GLIS1: variants seen among roughly 807,000 people sequenced by gnomAD.
GLIS1 encodes the protein GLIS family zinc finger 1, also known as zinc finger protein GLIS1.
A neutral mutation model predicts 63.8 loss-of-function variants in GLIS1; 24 were observed. The ratio of observed to expected loss-of-function variants is 0.38; its 90% CI spans 0.27 to 0.53. The LOEUF (loss-of-function observed/expected upper bound fraction) is 0.53. Among genes scored for constraint, GLIS1 ranks in the 20% least tolerant of loss-of-function variants. The probability of loss-of-function intolerance (pLI) is 0.85; values close to 1 mark genes in which losing one functional copy is unlikely to be tolerated. For missense variants in GLIS1, 1,036 were observed against 1,074.1 expected (o/e 0.96, Z 0.50); for synonymous variants, 450 against 482.5 (o/e 0.93, Z 0.88).
chr1:53,615,681 T>C (rs946624963), intron 2 of GLIS1, among the ~76,000 whole-genome samples: 2 of 152,238 alleles, frequency 1.3e-5, no homozygotes, highest in Non-Finnish European at 2.9e-5. Context: ...AGGGATTCTA[T>C]AATTCCATGA....
At chr1:53,700,019 G>C (rs1181829877) in intron 2 of GLIS1, among the ~76,000 whole-genome samples, 2 of 152,186 alleles carry the variant, frequency 1.3e-5, no homozygotes, top group Non-Finnish European at 2.9e-5. Flanking sequence ...GCCAGAAGAA[G>C]GGCTGGGACT....
At chr1:53,651,518 G>C (rs956606962) in intron 2 of GLIS1, among the ~76,000 whole-genome samples, 14 of 152,264 alleles carry the variant, frequency 9.2e-5, no homozygotes, top group Admixed American at 1.3e-4. Flanking sequence ...GTGGGTCTGG[G>C]GGGGCGACTG....
At chr1:53,510,562 T>C (rs1644288824) in intron 8 of GLIS1, among the ~76,000 whole-genome samples, 1 of 152,290 alleles carries the variant, frequency 6.6e-6, no homozygotes, top group African/African-American at 2.4e-5. Flanking sequence ...TTGTGTCCTT[T>C]TCACAGACCA....
At chr1:53,564,370 A>G (rs1472481026) in intron 4 of GLIS1, among the ~76,000 whole-genome samples, 1 of 152,222 alleles carries the variant, frequency 6.6e-6, no homozygotes, top group African/African-American at 2.4e-5. Context: ...GCAAAATAAA[A>G]GACAATAACG....
chr1:53,680,933 C>T (rs979334489), intron 2 of GLIS1, among the ~76,000 whole-genome samples: 4 of 152,254 alleles, frequency 2.6e-5, no homozygotes, highest in South Asian at 4.1e-4. Context: ...CTCCACAAGA[C>T]GGCACACATG....
At chr1:53,516,079 G>A (rs927901648) in intron 7 of GLIS1, among the ~76,000 whole-genome samples, 1 of 152,128 alleles carries the variant, frequency 6.6e-6, no homozygotes, top group African/African-American at 2.4e-5. Flanking sequence ...GCCCGGGGCT[G>A]CACTGATGGA....
At chr1:53,549,551 T>C (rs1644738179) in intron 4 of GLIS1, among the ~76,000 whole-genome samples, 1 of 152,264 alleles carries the variant, frequency 6.6e-6, no homozygotes, top group Non-Finnish European at 1.5e-5. Flanking sequence ...TCATGTGCTT[T>C]GGGCCATCTG....
Position 53,594,542 on chromosome 1 carries a change from G to C in GLIS1, c.886C>G (p.Arg296Gly), listed in dbSNP as rs762773798. The C allele has an allele frequency of 1.2e-6, 2 of 1,604,870 alleles. No homozygotes were observed. Among genetic ancestry groups the C allele is most frequent in the East Asian group, 2.2e-5 (1 of 44,620 alleles). The stretch of plus-strand genomic sequence containing the variant: ...CTGTCCGTCGATGCAGGGCCAGGCC[G>C]GGCCCGCTTGGAAGGGCCCCCCAGA... ...GDLGGPSKRA[R>G]PGPASTDSHE... The change falls in exon 4 of 11, where the codon CGG (arginine) becomes GGG (glycine). Residue 296 changes from arginine to glycine, a missense_variant. Physicochemically the swap from Arg to Gly is moderately radical, Grantham distance 125. Around this residue, in one of 3 missense-constraint regions of GLIS1, gnomAD observed 592 missense variants for 593.9 expected, o/e 1.00. Coordinates refer to ENST00000628545, the MANE Select transcript of GLIS1 (RefSeq NM_001367484.1).
At chr1:53,663,762 G>A (rs1173785685) in intron 2 of GLIS1, among the ~76,000 whole-genome samples, 1 of 152,324 alleles carries the variant, frequency 6.6e-6, no homozygotes, top group Non-Finnish European at 1.5e-5. Context: ...GGTCTCTCTC[G>A]GGGTCAGGAC....
rs542924208 is a variant in GLIS1 at position 53,693,260 on chromosome 1, C to T, written c.259+44546G>A. 2.0e-3 allele frequency among the ~76,000 whole-genome samples: 311 copies of T among 152,322 alleles called. 2 individuals carry two copies. Among genetic ancestry groups the T allele is most frequent in the African/African-American group, 7.3e-3 (303 of 41,574 alleles). ...AGAGAAGGGCTGTAACTTGCCATGG[C>T]CCCATGTCAAGTCAGTGGCAGGACT... On this transcript the variant is annotated intron_variant, in intron 2 of 10. Coordinates refer to ENST00000628545, the MANE Select transcript of GLIS1 (RefSeq NM_001367484.1).
At chr1:53,589,569 C>T (rs551773295) in intron 4 of GLIS1, among the ~76,000 whole-genome samples, 26 of 152,294 alleles carry the variant, frequency 1.7e-4, no homozygotes, top group African/African-American at 5.8e-4. Flanking sequence ...AAGGCCAATC[C>T]GTAATACTCA....
intron 4 of GLIS1, among the ~76,000 whole-genome samples, chr1:53,573,764 G>A (rs796159061): frequency 3.3e-5 from 5 of 152,298 alleles, no homozygotes; most frequent in Admixed American, 6.5e-5. Flanking sequence ...TGTCAGGGTC[G>A]GAGCTTCTTG....
At chr1:53,629,311 A>G (rs1422955343) in intron 2 of GLIS1, among the ~76,000 whole-genome samples, 1 of 151,778 alleles carries the variant, frequency 6.6e-6, no homozygotes, top group Non-Finnish European at 1.5e-5. Context: ...GCCCTCCCCA[A>G]TCCCCTCTGT....
chr1:53,569,633 T>C (rs769456262), intron 4 of GLIS1, among the ~76,000 whole-genome samples: 8 of 152,084 alleles, frequency 5.3e-5, no homozygotes, highest in Non-Finnish European at 8.8e-5. Flanking sequence ...AAACAAAGTA[T>C]AAAAATTGAA....
chr1:53,580,014 A>G (rs1448947363), intron 4 of GLIS1, among the ~76,000 whole-genome samples: 1 of 152,218 alleles, frequency 6.6e-6, no homozygotes, highest in East Asian at 1.9e-4. Flanking sequence ...AGGAAAATGC[A>G]TGTGCAGCCA....
chr1:53,585,826 G>C (rs1645129421), intron 4 of GLIS1, among the ~76,000 whole-genome samples: 1 of 152,208 alleles, frequency 6.6e-6, no homozygotes, highest in Non-Finnish European at 1.5e-5. Context: ...TAGGGCAACA[G>C]TGCCCCTCTG....
In GLIS1 at chr1:53,633,943, G is replaced by T. The variant is rs147112508; in HGVS notation, c.260-33665C>A. On this transcript the variant is annotated intron_variant, in intron 2 of 10. Transcript: ENST00000628545. ...CCACCAGTGAACAGAGAATCATGGC[G>T]GCTTCAGCCAAGAGTGGGTGAAGTA... Among the ~76,000 whole-genome samples, 725 of 152,294 alleles carry T rather than the reference G, an allele frequency of 4.8e-3. 3 individuals carry two copies. Among genetic ancestry groups the T allele is most frequent in the Middle Eastern group, 0.017 (5 of 294 alleles).
intron 2 of GLIS1, among the ~76,000 whole-genome samples, chr1:53,657,859 G>A (rs1645983814): frequency 6.6e-6 from 1 of 152,184 alleles, no homozygotes; most frequent in African/African-American, 2.4e-5. Flanking sequence ...TTTTGGGCTA[G>A]GCTGTTAAGC....
chr1:53,683,301 G>A (rs930457566), intron 2 of GLIS1, among the ~76,000 whole-genome samples: 3 of 152,120 alleles, frequency 2.0e-5, no homozygotes, highest in Non-Finnish European at 4.4e-5. Flanking sequence ...TCCTCACACC[G>A]CGTGAATGTG....
Sources: allele counts gnomAD v4.1 joint callset (sites outside exome capture counted in the v4.1 genomes callset), GRCh38; gene constraint gnomAD v4.1.1; regional missense constraint gnomAD v4.1.1; transcripts MANE v1.5; gene names NCBI Gene and HGNC (gene_info 2026-07-23, HGNC 2026-07-21).